PRKG2: variants seen among roughly 807,000 people sequenced by gnomAD.
PRKG2 encodes the protein protein kinase cGMP-dependent 2.
PRKG2 carries 33 observed loss-of-function variants against 97.2 expected under a neutral mutation model. The ratio of observed to expected loss-of-function variants is 0.34; its 90% CI spans 0.26 to 0.45. The LOEUF is 0.45. PRKG2 is among the 20% of genes least tolerant of loss of function. The pLI, the probability that PRKG2 is intolerant of heterozygous loss-of-function variation, is 1.00. For missense variants in PRKG2, 638 were observed against 900.0 expected (o/e 0.71, Z 3.73); for synonymous variants, 330 against 321.8 (o/e 1.03, Z -0.27).
At chr4:81,099,285 T>A (rs1190297259) in intron 17 of PRKG2, among the ~76,000 whole-genome samples, 1 of 152,104 alleles carries the variant, frequency 6.6e-6, no homozygotes, top group Non-Finnish European at 1.5e-5. Context: ...ACCAATATCC[T>A]TGATGAACAT....
rs184051631 is a variant in PRKG2, at chr4:81,112,719, C to G, written c.1777-2108G>C. Among the ~76,000 whole-genome samples the G allele has an allele frequency of 2.0e-3, 309 of 152,278 alleles. 1 individual carries two copies. Among genetic ancestry groups the G allele is most frequent in the Non-Finnish European group, 3.6e-3 (243 of 68,010 alleles). ...ATATCAACTTTGGTCTAATCCATTT[C>G]GTCAGCGGAAACTGGACACTCAGAC... On this transcript the variant is annotated intron_variant, in intron 14 of 18. Coordinates refer to ENST00000264399, the MANE Select transcript of PRKG2 (RefSeq NM_006259.3).
chr4:81,130,442 G>A (rs1488899655), intron 14 of PRKG2, among the ~76,000 whole-genome samples: 1 of 152,164 alleles, frequency 6.6e-6, no homozygotes, highest in Non-Finnish European at 1.5e-5. Context: ...GCTGGGAGGT[G>A]TCTCCCCGGC....
In PRKG2 at chr4:81,125,190, T is replaced by C. The variant is rs181924327; in HGVS notation, c.1776+9965A>G. Among the ~76,000 whole-genome samples the C allele has an allele frequency of 1.1e-3, 171 of 152,336 alleles. 1 individual carries two copies. Among genetic ancestry groups the C allele is most frequent in the African/African-American group, 3.9e-3 (161 of 41,580 alleles). ...TGATTTATAAGAAATAAAATCCATA[T>C]ATTTTTGGTGTACAGTTCATTGAAT... On this transcript the variant is annotated intron_variant, in intron 14 of 18. Coordinates refer to ENST00000264399, the MANE Select transcript of PRKG2 (RefSeq NM_006259.3).
At chr4:81,216,095 T>C (rs1262889154), upstream of PRKG2, among the ~76,000 whole-genome samples, 1 of 152,148 alleles carries the variant, frequency 6.6e-6, no homozygotes, top group Non-Finnish European at 1.5e-5. Context: ...TATTCCTCAC[T>C]GTGCATCTAG....
At chr4:81,130,253 C>A (rs750565783) in intron 14 of PRKG2, among the ~76,000 whole-genome samples, 1 of 152,134 alleles carries the variant, frequency 6.6e-6, no homozygotes, top group African/African-American at 2.4e-5. Flanking sequence ...AACAGTCAGG[C>A]CCCTCTGTTG....
At chr4:81,141,736 T>G (rs1473324091) in intron 11 of PRKG2, among the ~76,000 whole-genome samples, 4 of 152,188 alleles carry the variant, frequency 2.6e-5, no homozygotes, top group African/African-American at 9.7e-5. Flanking sequence ...AGAAAACAGA[T>G]CTCAGCTTTG....
chr4:81,209,093 A>G lies in PRKG2; in HGVS notation c.-13-4033T>C, dbSNP rs532248570. 2.0e-5 allele frequency among the ~76,000 whole-genome samples: 3 copies of G among 152,302 alleles called. No individual in the cohort carries two copies. The South Asian group carries it at 6.2e-4, about 32-fold the overall frequency. On this transcript the variant is annotated intron_variant, in intron 1 of 18. Transcript: ENST00000264399. The stretch of plus-strand genomic sequence containing the variant: ...GAGTAGTGGCATTTCGCTAGAAGAG[A>G]GGAAACTACATAAGACTACAAATTA...
chr4:81,175,050 A>G, intron 2 of PRKG2, 91 bp from the exon 3 acceptor site: 1 of 1,238,670 alleles, frequency 8.1e-7, no homozygotes, highest in African/African-American at 1.5e-5. Flanking sequence ...CAATAATATT[A>G]TCTACAAACT....
At chr4:81,110,127 A>T (rs1743750507) in intron 15 of PRKG2, among the ~76,000 whole-genome samples, 1 of 152,168 alleles carries the variant, frequency 6.6e-6, no homozygotes. Context: ...CACAGCCCAG[A>T]ACTTTCATTC....
At chr4:81,148,019 GAT>G (rs1748023022) in intron 9 of PRKG2, among the ~76,000 whole-genome samples, 2 of 151,910 alleles carry the variant, frequency 1.3e-5, no homozygotes, top group South Asian at 4.2e-4. Flanking sequence ...TCTATTTTTT[GAT>G]ATGTTTAAAA....
chr4:81,184,577 C>CTT (rs1751710638), intron 2 of PRKG2, among the ~76,000 whole-genome samples: 2 of 152,080 alleles, frequency 1.3e-5, no homozygotes, highest in African/African-American at 4.8e-5. Context: ...AACCAGAATG[C>CTT]CTCCCCTCCA....
intron 14 of PRKG2, among the ~76,000 whole-genome samples, chr4:81,133,240 C>G (rs537504401): frequency 8.5e-5 from 13 of 152,230 alleles, no homozygotes; most frequent in African/African-American, 3.1e-4. Context: ...CTACCAAGAG[C>G]CAATAATGAG....
chr4:81,194,128 T>C (rs1484385700), intron 2 of PRKG2, among the ~76,000 whole-genome samples: 1 of 152,168 alleles, frequency 6.6e-6, no homozygotes, highest in African/African-American at 2.4e-5. Context: ...TAAATTATAA[T>C]TTCCCCAAAG....
At position 81,089,217 on chromosome 4, in the gene PRKG2, C is replaced by A. The variant is rs1741315756; in HGVS notation, c.*491G>T. On this transcript the variant is annotated 3_prime_UTR_variant, in exon 19 of 19. Transcript: ENST00000264399. Reference sequence around the variant, plus strand: ...AAAGTCAGGAGGTTCTGTTGGCTACCATGGTTTCTGCAAACCACCATTTTA... The same window carrying A: ...AAAGTCAGGAGGTTCTGTTGGCTACAATGGTTTCTGCAAACCACCATTTTA... The A allele has an allele frequency of 6.6e-6, 1 of 152,258 alleles. No individual in the cohort carries two copies. The highest frequency in any genetic ancestry group is 1.5e-5 in the Non-Finnish European group (1 of 68,150). The allele number at this position is 152,258 out of a possible 1,614,324, so 9.4% of individuals were successfully genotyped here. A position where few individuals can be genotyped will look rare whatever the true frequency, so the allele number is the denominator to read the frequency against.
At chr4:81,170,299 G>A (rs1750349230) in intron 4 of PRKG2, among the ~76,000 whole-genome samples, 1 of 152,046 alleles carries the variant, frequency 6.6e-6, no homozygotes, top group Non-Finnish European at 1.5e-5. Context: ...ATTTGAAAGA[G>A]ACTATGAAAG....
Position 81,204,702 on chromosome 4 carries a change from G to A in PRKG2, c.346C>T (p.His116Tyr). Residue 116 changes from histidine to tyrosine, a missense_variant, in exon 2 of 19, where the codon CAT (histidine) becomes TAT (tyrosine). By Grantham distance (83) the His-to-Tyr change is moderately conservative. Transcript: ENST00000264399. The stretch of plus-strand genomic sequence containing the variant: ...CCAGCCTTTGCTCCCCTCCTGCTAT[G>A]GAGAGAGACCAATCCAGAGGTCTTC... ...HRKTSGLVSL[H>Y]SRRGAKAGVS... 2 of 1,614,194 alleles carry A rather than the reference G, an allele frequency of 1.2e-6. No individual in the cohort carries two copies. The highest frequency in any genetic ancestry group is 1.7e-6 in the Non-Finnish European group (2 of 1,180,030).
At position 81,088,031 on chromosome 4, in the gene PRKG2, A is replaced by C. The variant is rs1741247670; in HGVS notation, c.*1677T>G. The C allele has an allele frequency of 6.6e-6, 1 of 152,130 alleles. No individual in the cohort carries two copies. 9.4% of individuals were successfully genotyped at this position (152,130 alleles called of 1,614,324 possible). A position where few individuals can be genotyped will look rare whatever the true frequency, so the allele number is the denominator to read the frequency against. On this transcript the variant is annotated 3_prime_UTR_variant, in exon 19 of 19. Transcript: ENST00000264399. Reference sequence around the variant, plus strand: ...AAAAACATACAGTACAAACCAACCAAATTCAAATAAAAATCTTTAAAAACT... The same window carrying C: ...AAAAACATACAGTACAAACCAACCACATTCAAATAAAAATCTTTAAAAACT...
intron 14 of PRKG2, among the ~76,000 whole-genome samples, chr4:81,122,933 A>C (rs1389344069): frequency 6.6e-6 from 1 of 152,340 alleles, no homozygotes; most frequent in Middle Eastern, 3.4e-3. Context: ...GCCTCAGCTA[A>C]AACAGCTCTG....
intron 7 of PRKG2, among the ~76,000 whole-genome samples, chr4:81,152,386 G>A (rs1748492225): frequency 1.3e-5 from 2 of 152,180 alleles, no homozygotes; most frequent in South Asian, 4.1e-4. Context: ...TGGTCTTGTG[G>A]GAACTTTTTC....
Sources: gnomAD v4.1 joint callset for allele counts (sites outside exome capture counted in the v4.1 genomes callset) on GRCh38, gnomAD v4.1.1 for gene constraint, MANE v1.5 for transcripts, NCBI Gene and HGNC (gene_info 2026-07-23, HGNC 2026-07-21) for gene names.